Variants in WWOX observed in about 807,000 individuals in gnomAD.
WWOX encodes WW domain containing oxidoreductase.
A neutral mutation model predicts 46.2 loss-of-function variants in WWOX; 69 were observed. The ratio of observed to expected loss-of-function variants is 1.49; its 90% CI spans 1.23 to 1.82. WWOX has a LOEUF of 1.82. Ranked by LOEUF, WWOX falls within the 40% of genes most tolerant of loss-of-function variation. WWOX has a pLI of 0.00. For missense variants in WWOX, 919 were observed against 542.6 expected, an observed-to-expected ratio of 1.69 and a Z score of -6.89; for synonymous variants, 359 against 202.6, an observed-to-expected ratio of 1.77 and a Z score of -6.56.
At chr16:78,767,568 C>A (rs567470303) in intron 8 of WWOX, among the ~76,000 whole-genome samples, 2 of 151,890 alleles carry the variant, frequency 1.3e-5, no homozygotes, top group East Asian at 1.9e-4. Flanking sequence ...GCTTTCGATT[C>A]TTCTGCATGT....
intron 8 of WWOX, among the ~76,000 whole-genome samples, chr16:78,881,968 A>C (rs1004063430): frequency 6.6e-6 from 1 of 152,150 alleles, no homozygotes; most frequent in Non-Finnish European, 1.5e-5. Context: ...ACTACTAAAA[A>C]TACAAAAATT....
chr16:78,942,971 T>A (rs982022128), intron 8 of WWOX, among the ~76,000 whole-genome samples: 2 of 152,252 alleles, frequency 1.3e-5, no homozygotes, highest in African/African-American at 4.8e-5. Flanking sequence ...TGCAGCAGTC[T>A]TGGATTTGTA....
intron 8 of WWOX, among the ~76,000 whole-genome samples, chr16:78,577,385 T>C (rs540230792): frequency 6.6e-6 from 1 of 152,198 alleles, no homozygotes; most frequent in Non-Finnish European, 1.5e-5. Flanking sequence ...TGAGCATTTG[T>C]CCCCTAAATT....
chr16:78,142,553 C>T (rs1354250516), intron 4 of WWOX, among the ~76,000 whole-genome samples: 1 of 152,146 alleles, frequency 6.6e-6, no homozygotes, highest in Non-Finnish European at 1.5e-5. Context: ...CTCAAGTATG[C>T]CAGAAAAGCA....
intron 8 of WWOX, chr16:78,895,948 G>T (rs938772655): frequency 2.0e-5 from 3 of 152,066 alleles, no homozygotes; most frequent in East Asian, 1.9e-4. Flanking sequence ...TGGTCTTGAC[G>T]CTGACTTAAC....
chr16:78,643,426 G>T (rs1403680523), intron 8 of WWOX, among the ~76,000 whole-genome samples: 1 of 152,136 alleles, frequency 6.6e-6, no homozygotes, highest in Non-Finnish European at 1.5e-5. Context: ...TTGAACCCCT[G>T]TCTCTGTGTC....
intron 8 of WWOX, among the ~76,000 whole-genome samples, chr16:78,565,255 C>T (rs10438629): frequency 6.6e-6 from 1 of 152,086 alleles, no homozygotes; most frequent in Non-Finnish European, 1.5e-5. Flanking sequence ...TGGCTTTAAA[C>T]AACACATGCT....
At chr16:78,831,218 G>C (rs554477703) in intron 8 of WWOX, among the ~76,000 whole-genome samples, 1 of 139,352 alleles carries the variant, frequency 7.2e-6, no homozygotes, top group African/African-American at 2.7e-5. Flanking sequence ...TCGAGGTCAT[G>C]TTTTCCCTCC....
intron 5 of WWOX, among the ~76,000 whole-genome samples, chr16:78,308,940 G>A (rs1168039617): frequency 2.6e-5 from 4 of 152,284 alleles, no homozygotes; most frequent in Middle Eastern, 3.4e-3. Context: ...GATCTCGGGT[G>A]TTTAGCTAAT....
chr16:78,243,747 A>G (rs1392142177), intron 5 of WWOX, among the ~76,000 whole-genome samples: 3 of 152,034 alleles, frequency 2.0e-5, no homozygotes, highest in African/African-American at 4.8e-5. Flanking sequence ...GTGTTTCTCC[A>G]TGTTGGCCAG....
intron 8 of WWOX, among the ~76,000 whole-genome samples, chr16:78,631,448 C>T (rs976504509): frequency 6.6e-6 from 1 of 151,906 alleles, no homozygotes; most frequent in South Asian, 2.1e-4. Flanking sequence ...AGATGTATGA[C>T]TTATTTCATA....
chr16:78,467,164 C>T (rs1383632943), intron 8 of WWOX, among the ~76,000 whole-genome samples: 2 of 152,048 alleles, frequency 1.3e-5, no homozygotes, highest in Non-Finnish European at 2.9e-5. Flanking sequence ...CATTTTCCTT[C>T]TTTTTAAAAA....
At position 79,006,385 on chromosome 16, in the gene WWOX, G is replaced by T. The variant is rs1597266047; in HGVS notation, c.1057-205223G>T. ...TGGCACCGGCAGAGGATGAAGACAG[G>T]GCTGGGGAGGGGCATGGGGTTAGCC... On this transcript the variant is annotated intron_variant, in intron 8 of 8. Coordinates refer to ENST00000566780, the MANE Select transcript of WWOX (RefSeq NM_016373.4). Among the ~76,000 whole-genome samples, 3 of 152,160 alleles carry T rather than the reference G, an allele frequency of 2.0e-5. No homozygotes were observed. In the East Asian group the frequency reaches 5.8e-4, roughly 29 times the overall value.
Position 78,727,483 on chromosome 16 carries a change from A to C in WWOX, c.1056+294731A>C, listed in dbSNP as rs546869386. On this transcript the variant is annotated intron_variant, in intron 8 of 8. Coordinates refer to ENST00000566780, the MANE Select transcript of WWOX (RefSeq NM_016373.4). ...TACATCACCACAGAACTGCCAGGGT[A>C]CGTGTTTCCTAGCCCATAGCGAGTC... Among the ~76,000 whole-genome samples, 116 of 152,264 alleles carry C rather than the reference A, an allele frequency of 7.6e-4. 1 individual carries two copies. Among genetic ancestry groups the C allele is most frequent in the African/African-American group, 2.6e-3 (109 of 41,550 alleles).
chr16:78,569,393 C>T (rs1291280205), intron 8 of WWOX, among the ~76,000 whole-genome samples: 1 of 152,160 alleles, frequency 6.6e-6, no homozygotes, highest in Non-Finnish European at 1.5e-5. Context: ...TTGACATTCA[C>T]CTGTATTATA....
intron 8 of WWOX, among the ~76,000 whole-genome samples, chr16:78,493,552 G>A (rs1423968813): frequency 6.6e-6 from 1 of 152,050 alleles, no homozygotes; most frequent in African/African-American, 2.4e-5. Flanking sequence ...AAATATCTTT[G>A]GGGTGTTTAA....
intron 8 of WWOX, among the ~76,000 whole-genome samples, chr16:78,980,674 A>G (rs1328623333): frequency 6.6e-6 from 1 of 152,188 alleles, no homozygotes; most frequent in African/African-American, 2.4e-5. Context: ...GGCATTTCAA[A>G]TCACAATCAG....
chr16:78,417,969 G>GT (rs2082837480), intron 6 of WWOX, among the ~76,000 whole-genome samples: 1 of 152,192 alleles, frequency 6.6e-6, no homozygotes. Context: ...AGATTACCGA[G>GT]TGATAATAAG....
intron 8 of WWOX, among the ~76,000 whole-genome samples, chr16:78,854,240 A>G (rs1210866350): frequency 6.6e-6 from 1 of 152,230 alleles, no homozygotes; most frequent in African/African-American, 2.4e-5. Context: ...GTATTATAAT[A>G]AAACTTCATT....
Sources: gnomAD v4.1 joint callset for allele counts (sites outside exome capture counted in the v4.1 genomes callset) on GRCh38, gnomAD v4.1.1 for gene constraint, MANE v1.5 for transcripts, NCBI Gene and HGNC (gene_info 2026-07-23, HGNC 2026-07-21) for gene names.